APLP2: variants seen among roughly 807,000 people sequenced by gnomAD.
APLP2 encodes the protein amyloid beta precursor like protein 2, also known as CDEI box-binding protein.
Under a neutral mutation model 89.9 loss-of-function variants are expected in APLP2, and 53 were observed. That is an observed-to-expected ratio of 0.59 (90% CI 0.47 to 0.74). The LOEUF (loss-of-function observed/expected upper bound fraction) is 0.74. APLP2 is among the 30% of genes least tolerant of loss of function. The pLI is 0.00. For synonymous variants in APLP2, 372 were observed against 348.6 expected (o/e 1.07, Z -0.75); for missense variants, 973 against 975.9 (o/e 1.00, Z 0.04).
intron 10 of APLP2, 23 bp from the exon 11 acceptor site, chr11:130,130,015 A>G: frequency 6.2e-7 from 1 of 1,610,970 alleles, no homozygotes; most frequent in Non-Finnish European, 8.5e-7. Context: ...TCTGGATATT[A>G]AAACAACTGT....
chr11:130,110,618 A>T lies in APLP2; in HGVS notation c.360A>T (p.Lys120Asn), dbSNP rs373959494. ...TTGACAACTGGTGCCGGAGGGACAA[A>T]AAGCAATGCAAGAGTCGCTTTGTTA... ...VSIDNWCRRD[K>N]KQCKSRFVTP... The change falls in exon 3 of 17, where the codon AAA (lysine) becomes AAT (asparagine). Residue 120 changes from lysine (K) to asparagine (N), a missense_variant. Coordinates refer to ENST00000338167, the MANE Select transcript of APLP2 (RefSeq NM_001142276.2). The T allele has an allele frequency of 1.9e-6, 3 of 1,613,856 alleles. No homozygotes were observed. The African/African-American group carries it at 4.0e-5, about 22-fold the overall frequency.
At chr11:130,093,013 T>A (rs1057187567) in intron 1 of APLP2, among the ~76,000 whole-genome samples, 1 of 152,118 alleles carries the variant, frequency 6.6e-6, no homozygotes, top group Admixed American at 6.5e-5. Context: ...AATGTGAGCA[T>A]TTAGCCCCCT....
chr11:130,103,798 C>G (rs1036832227), intron 1 of APLP2, among the ~76,000 whole-genome samples: 24 of 152,178 alleles, frequency 1.6e-4, no homozygotes, highest in Non-Finnish European at 3.2e-4. Context: ...GCAGGCTGAA[C>G]TGCTGACAGA....
In APLP2 at chr11:130,135,467, G is replaced by T. The variant is rs1188902236; in HGVS notation, c.1685-96G>T. 5.8e-6 allele frequency: 8 copies of T among 1,377,854 alleles called. 1 individual carries two copies. The South Asian group carries it at 1.1e-4, about 19-fold the overall frequency. 85.4% of individuals were successfully genotyped at this position (1,377,854 alleles called of 1,614,324 possible). A position where few individuals can be genotyped will look rare whatever the true frequency, so the allele number is the denominator to read the frequency against. ...GGAAGGTGTTTCAGGCAGGAACTGG[G>T]AGCCACAGTGGGGTCTTGGAGCTCT... On this transcript the variant is annotated intron_variant, in intron 12 of 16. Transcript: ENST00000338167.
rs1019321232 is a variant in APLP2, at chr11:130,083,676, T to A, written c.105+13594T>A. 4.6e-5 allele frequency among the ~76,000 whole-genome samples: 7 copies of A among 152,342 alleles called. No homozygotes were observed. The East Asian group carries it at 1.4e-3, about 29-fold the overall frequency. ...GCAGAATTTACATTTTTTTTAAGGC[T>A]GAACAATATTCCATTTTATGTATAT... On this transcript the variant is annotated intron_variant, in intron 1 of 16. Transcript: ENST00000338167.
rs564447418 is a variant in APLP2, at chr11:130,130,313, G to A, written c.1584+147G>A. On this transcript the variant is annotated intron_variant, in intron 11 of 16. Coordinates refer to ENST00000338167, the MANE Select transcript of APLP2 (RefSeq NM_001142276.2). ...TTTGATTTCCGAAGACATTCGGTAC[G>A]TGAACTGGTTTTTGCAAGGTCACTG... The A allele has an allele frequency of 6.6e-5, 72 of 1,087,702 alleles. No homozygotes were observed. The Admixed American group carries it at 7.8e-4, about 12-fold the overall frequency. 67.4% of individuals were successfully genotyped at this position (1,087,702 alleles called of 1,614,324 possible).
intron 13 of APLP2, among the ~76,000 whole-genome samples, chr11:130,138,592 T>TG (rs1396858868): frequency 7.1e-6 from 1 of 141,632 alleles, no homozygotes; most frequent in African/African-American, 2.7e-5. Flanking sequence ...TTTTTTTTTT[T>TG]TTTTTTTTTT....
intron 3 of APLP2, among the ~76,000 whole-genome samples, chr11:130,120,043 C>G (rs1336478827): frequency 1.3e-5 from 2 of 152,016 alleles, no homozygotes; most frequent in African/African-American, 4.8e-5. Context: ...TTGGATTTGT[C>G]TTAGTGTTTT....
chr11:130,122,624 C>G, intron 6 of APLP2, 111 bp downstream of exon 6: 2 of 1,517,970 alleles, frequency 1.3e-6, no homozygotes, highest in Admixed American at 2.0e-5. Context: ...GGTGTGGTAC[C>G]TCTGCACTGA....
chr11:130,092,158 T>C (rs1945420819), intron 1 of APLP2, among the ~76,000 whole-genome samples: 1 of 133,108 alleles, frequency 7.5e-6, no homozygotes, highest in Non-Finnish European at 1.6e-5. Flanking sequence ...ACTTCCTAGA[T>C]GTGATGGCGG....
At chr11:130,072,476 T>C (rs1941298486) in intron 1 of APLP2, among the ~76,000 whole-genome samples, 1 of 18,092 alleles carries the variant, frequency 5.5e-5, no homozygotes, top group Non-Finnish European at 9.1e-5. Flanking sequence ...AATATCGTCT[T>C]TTTTTTTTTT....
chr11:130,134,470 A>G lies in APLP2; in HGVS notation c.1684+742A>G, dbSNP rs532123333. ...ACAACATAGCAAAGGGGATGTGGCC[A>G]AAGTATGCAGGGACCAGATGAGGAA... On this transcript the variant is annotated intron_variant, in intron 12 of 16. Coordinates refer to ENST00000338167, the MANE Select transcript of APLP2 (RefSeq NM_001142276.2). Among the ~76,000 whole-genome samples the G allele has an allele frequency of 3.9e-5, 6 of 152,342 alleles. No homozygotes were observed. In the South Asian group the frequency reaches 1.2e-3, roughly 32 times the overall value.
chr11:130,090,938 G>C (rs1428935160), intron 1 of APLP2, among the ~76,000 whole-genome samples: 8 of 146,920 alleles, frequency 5.4e-5, no homozygotes, highest in South Asian at 2.1e-4. Flanking sequence ...CTGGCCGGGC[G>C]GGGGGCCGAC....
At chr11:130,121,194 G>A (rs1440502568) in intron 4 of APLP2, among the ~76,000 whole-genome samples, 1 of 152,182 alleles carries the variant, frequency 6.6e-6, no homozygotes, top group Non-Finnish European at 1.5e-5. Flanking sequence ...TCACTTTTCT[G>A]GTGGCAAGAA....
At chr11:130,087,067 T>C (rs957085645) in intron 1 of APLP2, among the ~76,000 whole-genome samples, 1 of 152,372 alleles carries the variant, frequency 6.6e-6, no homozygotes, top group Admixed American at 6.5e-5. Context: ...AACAGTATTG[T>C]CTTCTAACCC....
At chr11:130,130,755 G>A (rs1950857368) in intron 11 of APLP2, among the ~76,000 whole-genome samples, 1 of 152,190 alleles carries the variant, frequency 6.6e-6, no homozygotes, top group East Asian at 1.9e-4. Context: ...TAGTAACAAC[G>A]CTGATCTTAC....
intron 1 of APLP2, among the ~76,000 whole-genome samples, chr11:130,073,751 G>A (rs1251042708): frequency 6.6e-6 from 1 of 152,140 alleles, no homozygotes; most frequent in Non-Finnish European, 1.5e-5. Flanking sequence ...TGAGGCAGGA[G>A]AATCTGGGAG....
intron 1 of APLP2, among the ~76,000 whole-genome samples, chr11:130,072,508 G>C: frequency 9.2e-6 from 1 of 108,582 alleles, no homozygotes; most frequent in East Asian, 4.0e-4. Context: ...ACGGAGTCTC[G>C]CTCTGTCCCA....
chr11:130,080,485 A>C (rs2135400046), intron 1 of APLP2, among the ~76,000 whole-genome samples: 1 of 152,008 alleles, frequency 6.6e-6, no homozygotes, highest in East Asian at 2.0e-4. Context: ...GATTACAGGC[A>C]TGAGCCACCG....
Sources: gnomAD v4.1 joint callset for allele counts (sites outside exome capture counted in the v4.1 genomes callset) on GRCh38, gnomAD v4.1.1 for gene constraint, MANE v1.5 for transcripts, NCBI Gene and HGNC (gene_info 2026-07-23, HGNC 2026-07-21) for gene names.